The following SPMIP7 variants were observed in gnomAD, a reference collection of about 807,000 sequenced individuals.
SPMIP7 encodes the protein sperm microtubule inner protein 7, also known as protein SPMIP7.
the SPMIP7 span, among the ~76,000 whole-genome samples, chr7:50,149,131 C>T: frequency 3.4e-5 from 4 of 118,960 alleles, no homozygotes; most frequent in South Asian, 3.0e-4. Context: ...GGCAATACAG[C>T]GAGATTCCAT....
the SPMIP7 span, chr7:50,151,528 A>G: frequency 6.4e-7 from 1 of 1,551,498 alleles, no homozygotes; most frequent in Admixed American, 2.0e-5. Flanking sequence ...TTCCATCAAC[A>G]ACCCCATCAC....
At chr7:50,125,646 G>A in the SPMIP7 span, among the ~76,000 whole-genome samples, 2 of 150,474 alleles carry the variant, frequency 1.3e-5, no homozygotes, top group African/African-American at 2.4e-5. Context: ...ATATTATTCA[G>A]CCATAAAAAG....
the SPMIP7 span, among the ~76,000 whole-genome samples, chr7:50,103,352 A>T: frequency 6.6e-6 from 1 of 152,122 alleles, no homozygotes; most frequent in Admixed American, 6.6e-5. Flanking sequence ...GAGGCACCCC[A>T]ATTATCTTCA....
At chr7:50,108,002 G>C in the SPMIP7 span, among the ~76,000 whole-genome samples, 1 of 152,300 alleles carries the variant, frequency 6.6e-6, no homozygotes, top group South Asian at 2.1e-4. Flanking sequence ...TATTTTGTCA[G>C]GTCTTGTTAA....
the SPMIP7 span, among the ~76,000 whole-genome samples, chr7:50,126,295 GATGAA>G: frequency 6.6e-6 from 1 of 151,688 alleles, no homozygotes; most frequent in Non-Finnish European, 1.5e-5. Context: ...TTGGCACTTA[GATGAA>G]ATGAATAAAA....
At chr7:50,150,091 C>T in the SPMIP7 span, among the ~76,000 whole-genome samples, 3 of 152,284 alleles carry the variant, frequency 2.0e-5, no homozygotes, top group South Asian at 6.2e-4. Flanking sequence ...AGGAGCAACT[C>T]CTATAAGCTC....
the SPMIP7 span, among the ~76,000 whole-genome samples, chr7:50,157,854 G>T: frequency 6.6e-6 from 1 of 151,968 alleles, no homozygotes; most frequent in East Asian, 1.9e-4. Context: ...TAACCCAAGG[G>T]GATAAAACTT....
the SPMIP7 span, among the ~76,000 whole-genome samples, chr7:50,134,967 T>C: frequency 6.6e-6 from 1 of 152,188 alleles, no homozygotes; most frequent in Non-Finnish European, 1.5e-5. Flanking sequence ...GCTTCATCCC[T>C]GCCCCGTTCT....
At chr7:50,100,816 T>TAAATAAATAAATAAAC in the SPMIP7 span, among the ~76,000 whole-genome samples, 1 of 99,890 alleles carries the variant, frequency 1.0e-5, no homozygotes, top group Non-Finnish European at 2.2e-5. Context: ...CGTCCAAAAA[T>TAAATAAATAAATAAAC]AAATAAATAA....
chr7:50,107,382 AAAAGAAAAG>A, the SPMIP7 span, among the ~76,000 whole-genome samples: 2 of 38,194 alleles, frequency 5.2e-5, no homozygotes, highest in African/African-American at 9.6e-5. Context: ...AAAAAAAAAA[AAAAGAAAAG>A]AAAAGAAAAA....
At chr7:50,096,182 T>G in the SPMIP7 span, 1 of 1,551,716 alleles carries the variant, frequency 6.4e-7, no homozygotes, top group Non-Finnish European at 8.7e-7. Context: ...CCCACACTAT[T>G]GTGATCTCTT....
chr7:50,153,594 A>G, the SPMIP7 span, among the ~76,000 whole-genome samples: 10 of 152,226 alleles, frequency 6.6e-5, no homozygotes, highest in Non-Finnish European at 1.2e-4. Context: ...CTTTGTGGGT[A>G]CTAACTCATG....
At chr7:50,105,464 G>A in the SPMIP7 span, among the ~76,000 whole-genome samples, 2 of 152,084 alleles carry the variant, frequency 1.3e-5, no homozygotes, top group Non-Finnish European at 2.9e-5. Context: ...GTGCCATGTT[G>A]ATTTCTTTTT....
chr7:50,151,602 G>C, the SPMIP7 span: 8 of 1,286,948 alleles, frequency 6.2e-6, no homozygotes, highest in Non-Finnish European at 8.7e-6. Context: ...TACATTAGGA[G>C]GGGAAATCCT....
At chr7:50,129,627 A>T in the SPMIP7 span, 1 of 879,070 alleles carries the variant, frequency 1.1e-6, no homozygotes, top group South Asian at 1.6e-5. Flanking sequence ...ATGAAGAAAA[A>T]GGAATCCAAA....
chr7:50,152,838 T>C, the SPMIP7 span, among the ~76,000 whole-genome samples: 4 of 152,048 alleles, frequency 2.6e-5, no homozygotes, highest in Non-Finnish European at 5.9e-5. Flanking sequence ...AGCCGTGCAC[T>C]ATCACGCCCA....
chr7:50,133,273 T>C, the SPMIP7 span, among the ~76,000 whole-genome samples: 2 of 151,962 alleles, frequency 1.3e-5, no homozygotes, highest in South Asian at 4.1e-4. Context: ...TAATTGCATG[T>C]CATAGGACGG....
At chr7:50,148,298 T>C in the SPMIP7 span, among the ~76,000 whole-genome samples, 1 of 152,256 alleles carries the variant, frequency 6.6e-6, no homozygotes, top group East Asian at 1.9e-4. Context: ...TTATTAAATA[T>C]GATGTAATCT....
At chr7:50,119,980 A>C in the SPMIP7 span, among the ~76,000 whole-genome samples, 1 of 152,178 alleles carries the variant, frequency 6.6e-6, no homozygotes, top group Non-Finnish European at 1.5e-5. Flanking sequence ...GAAAAAGTGT[A>C]ACTGGCCTCT....
Sources: allele counts gnomAD v4.1 joint callset (sites outside exome capture counted in the v4.1 genomes callset), GRCh38; gene constraint gnomAD v4.1.1; transcripts MANE v1.5; gene names NCBI Gene and HGNC (gene_info 2026-07-23, HGNC 2026-07-21).